The following PCDHA3 variants were observed in gnomAD, a reference collection of about 807,000 sequenced individuals.
PCDHA3 encodes protocadherin alpha 3, also known as protocadherin alpha-3.
Under a neutral mutation model 62.2 loss-of-function variants are expected in PCDHA3, and 41 were observed. The observed-to-expected ratio is 0.66, with a 90% CI of 0.51 to 0.86. The LOEUF is 0.86. PCDHA3 is among the 40% of genes least tolerant of loss of function. The probability of loss-of-function intolerance (pLI) is 0.00; values close to 1 mark genes in which losing one functional copy is unlikely to be tolerated. For missense variants in PCDHA3, 1,304 were observed against 1,241.2 expected (o/e 1.05, Z -0.76); for synonymous variants, 640 against 555.4 (o/e 1.15, Z -2.14).
chr5:140,822,050 A>G, intron 1 of PCDHA3: 1 of 1,614,182 alleles, frequency 6.2e-7, no homozygotes. Flanking sequence ...ATCGACCGGG[A>G]GGAGCTGTGC....
chr5:140,856,759 C>T lies in PCDHA3; in HGVS notation c.2394+53168C>T, dbSNP rs148775418. On this transcript the variant is annotated intron_variant, in intron 1 of 3. Coordinates refer to ENST00000522353, the MANE Select transcript of PCDHA3 (RefSeq NM_018906.3). ...TCCTGGTGTTAGATGCCAATGATAA[C>T]GCCCCTATCTTTGACAGACCGGTTT... 33 of 1,596,270 alleles carry T rather than the reference C, an allele frequency of 2.1e-5. 4 individuals carry two copies. Among genetic ancestry groups the T allele is most frequent in the Non-Finnish European group, 2.6e-5 (30 of 1,166,452 alleles).
At chr5:140,903,982 T>G (rs782635653) in intron 1 of PCDHA3, among the ~76,000 whole-genome samples, 5 of 152,232 alleles carry the variant, frequency 3.3e-5, no homozygotes, top group African/African-American at 4.8e-5. Flanking sequence ...CTATTCACAA[T>G]GTAACAGCTA....
intron 1 of PCDHA3, among the ~76,000 whole-genome samples, chr5:140,951,339 G>A (rs246043): frequency 0.56 from 85,609 of 151,878 alleles, 24,748 homozygotes; most frequent in African/African-American, 0.69. Context: ...TTCTGTTTGT[G>A]TTAGTCCATT....
At chr5:140,984,281 C>G (rs574169465) in intron 3 of PCDHA3, among the ~76,000 whole-genome samples, 32 of 152,336 alleles carry the variant, frequency 2.1e-4, no homozygotes, top group African/African-American at 7.5e-4. Context: ...AATACATTCT[C>G]CCTCCCATTG....
intron 3 of PCDHA3, among the ~76,000 whole-genome samples, chr5:140,983,513 CTG>C (rs1165213074): frequency 6.6e-6 from 1 of 152,196 alleles, no homozygotes; most frequent in Non-Finnish European, 1.5e-5. Context: ...TGCCTAGACA[CTG>C]TGCCAAGTAC....
At chr5:140,838,083 T>TA (rs1554136873) in intron 1 of PCDHA3, among the ~76,000 whole-genome samples, 32 of 31,830 alleles carry the variant, frequency 1.0e-3, no homozygotes, top group African/African-American at 3.5e-3. Flanking sequence ...ATATAGTGTG[T>TA]GTGTGTGTGT....
At chr5:140,941,194 T>TCTTC (rs781904538) in intron 1 of PCDHA3, among the ~76,000 whole-genome samples, 2 of 112,354 alleles carry the variant, frequency 1.8e-5, no homozygotes, top group Non-Finnish European at 3.8e-5. Context: ...TCTTTTTTTT[T>TCTTC]CTTTCTTCCT....
chr5:140,828,163 G>A (rs1244863106), intron 1 of PCDHA3: 8 of 1,614,068 alleles, frequency 5.0e-6, no homozygotes, highest in African/African-American at 1.3e-5. Context: ...TCGCAGCCTG[G>A]AAGGTGGGGA....
chr5:140,981,264 C>T (rs2096925155), intron 2 of PCDHA3, among the ~76,000 whole-genome samples: 1 of 152,128 alleles, frequency 6.6e-6, no homozygotes, highest in Non-Finnish European at 1.5e-5. Flanking sequence ...TCAAGATAAG[C>T]AAATGTCTAG....
Position 140,978,839 on chromosome 5 carries a change from C to CT in PCDHA3, c.2395-104dup, listed in dbSNP as rs5871758. On this transcript the variant is annotated intron_variant, in intron 1 of 3. Transcript: ENST00000522353. ...TACACATGAAATGGCTCATTCAATA[C>CT]TTTTTTAGATGCCTGGAAATATTTA... 14,607 of 1,556,970 alleles carry CT rather than the reference C, an allele frequency of 9.4e-3. 629 individuals carry two copies. The African/African-American group carries it at 0.12, about 13-fold the overall frequency.
chr5:140,877,155 C>G (rs782559744), intron 1 of PCDHA3: 21 of 1,613,680 alleles, frequency 1.3e-5, no homozygotes, highest in Non-Finnish European at 1.8e-5. Flanking sequence ...AGAACGACAA[C>G]GCGCCGGCAC....
At chr5:141,001,653 G>A (rs2098030504) in intron 3 of PCDHA3, among the ~76,000 whole-genome samples, 1 of 152,182 alleles carries the variant, frequency 6.6e-6, no homozygotes, top group African/African-American at 2.4e-5. Context: ...TGTGGGAGAA[G>A]GCGGAGCTTG....
chr5:140,871,316 T>C, intron 1 of PCDHA3: 1 of 1,614,034 alleles, frequency 6.2e-7, no homozygotes, highest in South Asian at 1.1e-5. Context: ...AAGCCCACGC[T>C]GGTGTGCTCC....
intron 3 of PCDHA3, among the ~76,000 whole-genome samples, chr5:140,992,192 C>T (rs2097497943): frequency 6.6e-6 from 1 of 152,124 alleles, no homozygotes; most frequent in Admixed American, 6.5e-5. Flanking sequence ...TTTCAGTGAT[C>T]TATCCAATCA....
intron 1 of PCDHA3, chr5:140,841,656 G>A (rs2150320289): frequency 6.2e-7 from 1 of 1,614,162 alleles, no homozygotes; most frequent in Admixed American, 1.7e-5. Context: ...ATCGTGGACA[G>A]GCCGCTGCAG....
intron 1 of PCDHA3, among the ~76,000 whole-genome samples, chr5:140,931,396 G>A (rs1554208395): frequency 1.3e-5 from 2 of 152,118 alleles, no homozygotes; most frequent in Non-Finnish European, 2.9e-5. Context: ...ATAAGTAAGC[G>A]ATAGGAAGGC....
At chr5:140,972,660 A>T (rs868975656) in intron 1 of PCDHA3, among the ~76,000 whole-genome samples, 47 of 117,276 alleles carry the variant, frequency 4.0e-4, no homozygotes, top group Non-Finnish European at 6.8e-4. Flanking sequence ...AAGAAACCAA[A>T]TTTTTTTTTT....
chr5:140,827,773 C>T (rs1296750713), intron 1 of PCDHA3, among the ~76,000 whole-genome samples: 1 of 152,120 alleles, frequency 6.6e-6, no homozygotes, highest in East Asian at 1.9e-4. Context: ...TAAAAGAAGT[C>T]GGGATAACAC....
rs2098415057 is a variant in PCDHA3, at chr5:141,009,865, A to G, written c.2781A>G (p.Lys927=). ...AGGAGGAGACCAAGAAAAAGAAGAAAAAGAAGAAGGGTAACAAGACCCAGG... is the reference window on the plus strand; with the variant it reads ...AGGAGGAGACCAAGAAAAAGAAGAAGAAGAAGAAGGGTAACAAGACCCAGG... ...GKKEETKKKK[K]KKKGNKTQEK... The change falls in exon 4 of 4, where the codon AAA becomes AAG. Residue 927 remains lysine, a synonymous_variant. Transcript: ENST00000522353. The G allele has an allele frequency of 6.2e-7, 1 of 1,614,076 alleles. No homozygotes were observed.
Sources: allele counts gnomAD v4.1 joint callset (sites outside exome capture counted in the v4.1 genomes callset), GRCh38; gene constraint gnomAD v4.1.1; transcripts MANE v1.5; gene names NCBI Gene and HGNC (gene_info 2026-07-23, HGNC 2026-07-21).